The following FAM78B variants were observed in gnomAD, a reference collection of about 807,000 sequenced individuals.
FAM78B encodes the protein protein FAM78B.
In FAM78B, 10 loss-of-function variants were observed where a neutral mutation model predicts 20.0. The observed-to-expected ratio is 0.50, with a 90% CI of 0.31 to 0.85. The LOEUF (loss-of-function observed/expected upper bound fraction) is 0.85, where lower values mean the gene tolerates loss of function less well. Among genes scored for constraint, FAM78B ranks in the 40% least tolerant of loss-of-function variants. The pLI is 0.05. For missense variants in FAM78B, 283 were observed against 345.0 expected (o/e 0.82, Z 1.42); for synonymous variants, 135 against 132.8 (o/e 1.02, Z -0.12).
At chr1:166,106,901 T>G (rs1408345602) in intron 1 of FAM78B, among the ~76,000 whole-genome samples, 1 of 151,982 alleles carries the variant, frequency 6.6e-6, no homozygotes, top group African/African-American at 2.4e-5. Context: ...ATCAAAAAAC[T>G]TTCATCAATA....
At chr1:166,125,408 T>C (rs905356186) in intron 1 of FAM78B, among the ~76,000 whole-genome samples, 1 of 152,164 alleles carries the variant, frequency 6.6e-6, no homozygotes, top group African/African-American at 2.4e-5. Context: ...AGGGAGGGAC[T>C]GCAATCATTA....
At chr1:166,085,043 C>T (rs972700451) in intron 1 of FAM78B, among the ~76,000 whole-genome samples, 1 of 152,204 alleles carries the variant, frequency 6.6e-6, no homozygotes, top group Admixed American at 6.5e-5. Flanking sequence ...TCAAGGAAGA[C>T]TCCTAGTATG....
chr1:166,068,416 A>G (rs1651883315), downstream of FAM78B, among the ~76,000 whole-genome samples: 1 of 152,224 alleles, frequency 6.6e-6, no homozygotes, highest in South Asian at 2.1e-4. Flanking sequence ...GTTGTTATAA[A>G]TAACTTGCCA....
exon 3 of FAM78B, chr1:166,060,606 T>C (rs1452028815): frequency 3.1e-6 from 4 of 1,289,156 alleles, no homozygotes; most frequent in East Asian, 1.1e-4. Context: ...CACTTCCTCC[T>C]TCTCAGTCTC....
chr1:166,106,102 A>C (rs1031246685), intron 1 of FAM78B, among the ~76,000 whole-genome samples: 10 of 151,712 alleles, frequency 6.6e-5, no homozygotes, highest in Admixed American at 3.9e-4. Flanking sequence ...AAAGTATCAC[A>C]AGGACGAAAA....
At chr1:166,065,798 G>A (rs1651772383), downstream of FAM78B, among the ~76,000 whole-genome samples, 1 of 152,206 alleles carries the variant, frequency 6.6e-6, no homozygotes, top group African/African-American at 2.4e-5. Flanking sequence ...AAATATCTGT[G>A]TGCACAGAGC....
In FAM78B at chr1:166,097,012, C is replaced by T. The variant is rs149624864; in HGVS notation, c.264-26249G>A. Reference sequence around the variant, plus strand: ...CTGAAGGAAGCGGACTGCTCCTGCACGACCCAGGAGACCACCCCCCAAAAC... The same window carrying T: ...CTGAAGGAAGCGGACTGCTCCTGCATGACCCAGGAGACCACCCCCCAAAAC... On this transcript the variant is annotated intron_variant, in intron 1 of 1. Coordinates refer to ENST00000354422, the MANE Select transcript of FAM78B (RefSeq NM_001017961.5). 1.9e-3 allele frequency among the ~76,000 whole-genome samples: 295 copies of T among 152,248 alleles called. 1 individual carries two copies. The highest frequency in any genetic ancestry group is 6.6e-3 in the African/African-American group (274 of 41,526).
At chr1:166,150,811 G>C (rs959773911) in intron 1 of FAM78B, among the ~76,000 whole-genome samples, 2 of 152,176 alleles carry the variant, frequency 1.3e-5, no homozygotes, top group African/African-American at 4.8e-5. Context: ...AAGCAGGCTG[G>C]GTGCAGGGGC....
At chr1:166,141,714 A>G (rs1366662809) in intron 1 of FAM78B, among the ~76,000 whole-genome samples, 1 of 152,190 alleles carries the variant, frequency 6.6e-6, no homozygotes, top group East Asian at 1.9e-4. Flanking sequence ...TGACTGATAG[A>G]TAAGTGGCAG....
intron 1 of FAM78B, among the ~76,000 whole-genome samples, chr1:166,077,880 A>AATT: frequency 7.9e-4 from 1 of 1,264 alleles, no homozygotes; most frequent in Non-Finnish European, 2.1e-3. Flanking sequence ...ATAATTATAT[A>AATT]TATAATAAAT....
chr1:166,087,954 G>A (rs544959713), intron 1 of FAM78B, among the ~76,000 whole-genome samples: 2 of 152,250 alleles, frequency 1.3e-5, no homozygotes, highest in South Asian at 4.1e-4. Context: ...GCATTCTGGG[G>A]TGCTGGGGAT....
intron 1 of FAM78B, among the ~76,000 whole-genome samples, chr1:166,110,411 A>G (rs2101757861): frequency 6.6e-6 from 1 of 152,214 alleles, no homozygotes; most frequent in South Asian, 2.1e-4. Context: ...ACAGCAAGTG[A>G]GCTTTCACTT....
chr1:166,072,760 G>A (rs1446382169), intron 1 of FAM78B, among the ~76,000 whole-genome samples: 1 of 152,178 alleles, frequency 6.6e-6, no homozygotes, highest in African/African-American at 2.4e-5. Flanking sequence ...CAGGTATTCC[G>A]AGCAGTGGCA....
At chr1:166,152,648 T>C (rs1655722090) in intron 1 of FAM78B, among the ~76,000 whole-genome samples, 1 of 147,544 alleles carries the variant, frequency 6.8e-6, no homozygotes, top group Admixed American at 6.7e-5. Flanking sequence ...AAGTTCTTGG[T>C]ACTCTGGATT....
intron 1 of FAM78B, among the ~76,000 whole-genome samples, chr1:166,133,241 C>T (rs1461386869): frequency 6.6e-6 from 1 of 152,160 alleles, no homozygotes; most frequent in African/African-American, 2.4e-5. Flanking sequence ...ATATCCTGAC[C>T]TAGCAGCTTC....
rs1553219345 is a variant in FAM78B, at chr1:166,109,814, G to GTGTATATA, written c.264-39052_264-39051insTATATACA. Among the ~76,000 whole-genome samples, 25 of 32,646 alleles carry GTGTATATA rather than the reference G, an allele frequency of 7.7e-4. 2 individuals are homozygous for GTGTATATA. The highest frequency in any genetic ancestry group is 2.3e-3 in the African/African-American group (23 of 10,206). 21.4% of individuals were successfully genotyped at this position (32,646 alleles called of 152,430 possible). On this transcript the variant is annotated intron_variant, in intron 1 of 1. Coordinates refer to ENST00000354422, the MANE Select transcript of FAM78B (RefSeq NM_001017961.5). ...GAAACTGTGATATATATGTATATAT[G>GTGTATATA]TATATATATATATATATGTATATAT... is the stretch of plus-strand genomic sequence containing the variant.
intron 1 of FAM78B, among the ~76,000 whole-genome samples, chr1:166,077,620 AT>A (rs1465502496): frequency 7.8e-6 from 1 of 127,756 alleles, no homozygotes; most frequent in African/African-American, 3.9e-5. Context: ...TATAAATTAT[AT>A]ATAATACATA....
At chr1:166,115,626 C>T (rs975297774) in intron 1 of FAM78B, among the ~76,000 whole-genome samples, 1 of 152,112 alleles carries the variant, frequency 6.6e-6, no homozygotes, top group Non-Finnish European at 1.5e-5. Flanking sequence ...CTACCTTCGC[C>T]GGGGCAGCTT....
At chr1:166,149,068 A>G (rs1655582405) in intron 1 of FAM78B, among the ~76,000 whole-genome samples, 1 of 151,988 alleles carries the variant, frequency 6.6e-6, no homozygotes, top group South Asian at 2.1e-4. Flanking sequence ...GGTTGGTTCC[A>G]AGTCTTTGCT....
Sources: gnomAD v4.1 joint callset for allele counts (sites outside exome capture counted in the v4.1 genomes callset) on GRCh38, gnomAD v4.1.1 for gene constraint, MANE v1.5 for transcripts, NCBI Gene and HGNC (gene_info 2026-07-23, HGNC 2026-07-21) for gene names.